Variants in TMEM178B observed in about 807,000 individuals in gnomAD.
The protein encoded by TMEM178B is transmembrane protein 178B.
In TMEM178B, 5 loss-of-function variants were observed where a neutral mutation model predicts 31.0. The ratio of observed to expected loss-of-function variants is 0.16; its 90% CI spans 0.08 to 0.34. The LOEUF is 0.34. TMEM178B is among the 10% of genes least tolerant of loss of function. The pLI is 1.00. For synonymous variants in TMEM178B, 164 were observed against 164.0 expected (o/e 1.00, Z 0.00); for missense variants, 275 against 400.3 (o/e 0.69, Z 2.67).
At chr7:141,149,164 A>G (rs1168725482) in intron 1 of TMEM178B, among the ~76,000 whole-genome samples, 1 of 152,208 alleles carries the variant, frequency 6.6e-6, no homozygotes, top group Non-Finnish European at 1.5e-5. Flanking sequence ...GCAGTAAGAG[A>G]TGATGTTGGG....
At chr7:141,139,205 G>A (rs925983654) in intron 1 of TMEM178B, among the ~76,000 whole-genome samples, 7 of 152,162 alleles carry the variant, frequency 4.6e-5, no homozygotes, top group African/African-American at 1.2e-4. Flanking sequence ...CATTAATCAC[G>A]CAGTCAGCTG....
chr7:141,221,259 G>A (rs1040003285), intron 2 of TMEM178B, among the ~76,000 whole-genome samples: 2 of 152,214 alleles, frequency 1.3e-5, no homozygotes, highest in African/African-American at 4.8e-5. Context: ...TATGGCAGGT[G>A]ATTATTCTTT....
chr7:141,125,705 A>C (rs1300818062), intron 1 of TMEM178B, among the ~76,000 whole-genome samples: 1 of 151,760 alleles, frequency 6.6e-6, no homozygotes, highest in Non-Finnish European at 1.5e-5. Context: ...AAAGAAAAAG[A>C]AAAAGAAAAG....
the TMEM178B span, among the ~76,000 whole-genome samples, chr7:141,497,607 C>T: frequency 1.3e-5 from 2 of 152,082 alleles, no homozygotes; most frequent in South Asian, 4.1e-4. Flanking sequence ...AATAGCAGTC[C>T]ACTGCTGCAT....
chr7:141,356,801 C>T (rs1799827500), intron 2 of TMEM178B, among the ~76,000 whole-genome samples: 1 of 151,916 alleles, frequency 6.6e-6, no homozygotes, highest in African/African-American at 2.4e-5. Flanking sequence ...TCTTGCTACC[C>T]TTGGCACTAT....
chr7:141,344,854 A>C lies in TMEM178B; in HGVS notation c.497-92754A>C, dbSNP rs1011249782. Among the ~76,000 whole-genome samples, 2 of 152,196 alleles carry C rather than the reference A, an allele frequency of 1.3e-5. No individual in the cohort carries two copies. Among genetic ancestry groups the C allele is most frequent in the East Asian group, 3.9e-4 (2 of 5,192 alleles). The stretch of plus-strand genomic sequence containing the variant: ...GGCTCTGCCACCGGCTGGCTGTGGA[A>C]GCTGTGGGAGTAAACCCTCCAGGAC... On this transcript the variant is annotated intron_variant, in intron 2 of 3. Coordinates refer to ENST00000565468, the MANE Select transcript of TMEM178B (RefSeq NM_001195278.2). The surrounding 1 kb of genome is among the most constrained non-coding windows in gnomAD (Gnocchi z 4.1).
intron 2 of TMEM178B, among the ~76,000 whole-genome samples, chr7:141,424,027 A>T (rs1431016425): frequency 6.6e-6 from 1 of 150,746 alleles, no homozygotes; most frequent in African/African-American, 2.4e-5. Flanking sequence ...CATGTTGGTC[A>T]GGCTGGTCTT....
At chr7:141,077,259 T>C (rs1243524707) in intron 1 of TMEM178B, among the ~76,000 whole-genome samples, 1 of 152,266 alleles carries the variant, frequency 6.6e-6, no homozygotes, top group Non-Finnish European at 1.5e-5. Context: ...CTCTGTCTTC[T>C]TTGAAATATC....
intron 2 of TMEM178B, among the ~76,000 whole-genome samples, chr7:141,227,801 G>C (rs1422953877): frequency 6.6e-6 from 1 of 152,120 alleles, no homozygotes; most frequent in Non-Finnish European, 1.5e-5. Flanking sequence ...GGGACAGCAG[G>C]GATTCTGAGG....
intron 1 of TMEM178B, among the ~76,000 whole-genome samples, chr7:141,129,383 T>C (rs974872967): frequency 3.9e-5 from 6 of 152,210 alleles, no homozygotes; most frequent in African/African-American, 7.2e-5. Context: ...AATTTTTATA[T>C]TGAGGTATAA....
the TMEM178B span, among the ~76,000 whole-genome samples, chr7:141,497,097 C>T: frequency 2.2e-4 from 33 of 151,926 alleles, 1 homozygote; most frequent in African/African-American, 3.1e-4. Context: ...CTGTAGCCAG[C>T]GGTGGAGGTG....
chr7:141,421,680 T>C (rs1454032696), intron 2 of TMEM178B, among the ~76,000 whole-genome samples: 1 of 152,098 alleles, frequency 6.6e-6, no homozygotes, highest in Admixed American at 6.5e-5. Context: ...GTATAGAAAA[T>C]TCTTAGAACA....
chr7:141,203,485 C>T (rs1013410795), intron 1 of TMEM178B, among the ~76,000 whole-genome samples: 2 of 152,168 alleles, frequency 1.3e-5, no homozygotes, highest in African/African-American at 4.8e-5. Context: ...GGACGATGTC[C>T]CTTCCTCCCT....
chr7:141,112,164 A>G (rs1417368923), intron 1 of TMEM178B, among the ~76,000 whole-genome samples: 2 of 152,220 alleles, frequency 1.3e-5, no homozygotes, highest in Non-Finnish European at 2.9e-5. Context: ...GCTAATTTTA[A>G]TCTGAGAGAT....
intron 2 of TMEM178B, among the ~76,000 whole-genome samples, chr7:141,351,538 C>G (rs1220760321): frequency 6.6e-6 from 1 of 152,160 alleles, no homozygotes; most frequent in Non-Finnish European, 1.5e-5. Context: ...AAAATCAGCC[C>G]ACATTGAAGG....
chr7:141,455,427 A>G (rs1801945569), intron 3 of TMEM178B, among the ~76,000 whole-genome samples: 1 of 152,212 alleles, frequency 6.6e-6, no homozygotes, highest in Non-Finnish European at 1.5e-5. Flanking sequence ...GTAGGGTCCT[A>G]CTGGAGAAGA....
At chr7:141,430,112 G>A (rs1801396355) in intron 2 of TMEM178B, 1 of 152,224 alleles carries the variant, frequency 6.6e-6, no homozygotes, top group Admixed American at 6.5e-5. Flanking sequence ...TCGGAGGATA[G>A]GCAGCACCAG....
At chr7:141,277,966 T>A (rs1005522825) in intron 2 of TMEM178B, among the ~76,000 whole-genome samples, 2 of 152,164 alleles carry the variant, frequency 1.3e-5, no homozygotes, top group Non-Finnish European at 2.9e-5. Context: ...AGATAAGATA[T>A]GAAGATATGA....
intron 2 of TMEM178B, among the ~76,000 whole-genome samples, chr7:141,243,653 TTGTGGTTCCCCTACTGTACTGGCCCA>T (rs1797679943): frequency 1.3e-5 from 2 of 152,128 alleles, no homozygotes; most frequent in African/African-American, 4.8e-5. Context: ...GCTGCACTCT[TTGTGGTTCCCCTACTGTACTGGCCCA>T]TGGGCCCAGA....
Sources: gnomAD v4.1 joint callset for allele counts (sites outside exome capture counted in the v4.1 genomes callset) on GRCh38, gnomAD v4.1.1 for gene constraint, Gnocchi (gnomAD v3.1) non-coding constraint, MANE v1.5 for transcripts, NCBI Gene and HGNC (gene_info 2026-07-23, HGNC 2026-07-21) for gene names.